The following AGTPBP1 variants were observed in gnomAD, a reference collection of about 807,000 sequenced individuals.
AGTPBP1 encodes cytosolic carboxypeptidase 1.
In AGTPBP1, 70 loss-of-function variants were observed where a neutral mutation model predicts 143.9. That is an observed-to-expected ratio of 0.49 (90% CI 0.40 to 0.59). AGTPBP1 has a LOEUF of 0.59. Ranked by LOEUF, AGTPBP1 falls within the 20% of genes least tolerant of loss-of-function variation. The pLI is 0.00. For missense variants in AGTPBP1, 1,229 were observed against 1,464.5 expected, an observed-to-expected ratio of 0.84 and a Z score of 2.62; for synonymous variants, 463 against 500.2, an observed-to-expected ratio of 0.93 and a Z score of 0.99.
chr9:85,767,876 G>A, the AGTPBP1 span, among the ~76,000 whole-genome samples: 2 of 152,150 alleles, frequency 1.3e-5, no homozygotes, highest in African/African-American at 4.8e-5. Context: ...TGGACCAGCA[G>A]CAACAGCATC....
intron 11 of AGTPBP1, among the ~76,000 whole-genome samples, chr9:85,653,731 G>A (rs1334199226): frequency 2.6e-5 from 4 of 152,188 alleles, no homozygotes; most frequent in Admixed American, 6.5e-5. Flanking sequence ...AAGAGGGAGT[G>A]GAGGCTTGAT....
intron 18 of AGTPBP1, among the ~76,000 whole-genome samples, chr9:85,593,548 T>A (rs1587700241): frequency 6.6e-6 from 1 of 152,196 alleles, no homozygotes; most frequent in East Asian, 1.9e-4. Context: ...TCTTAATCTT[T>A]CTGTGTTGTG....
chr9:85,655,470 A>C lies in AGTPBP1; in HGVS notation c.910-150T>G, dbSNP rs1587837292. ...TTTTAACACAGAATAATTACAAAAT[A>C]GCTTTACTATTCAGAATTATCTATC... On this transcript the variant is annotated intron_variant, in intron 10 of 25. Transcript: ENST00000357081. 5 of 716,182 alleles carry C rather than the reference A, an allele frequency of 7.0e-6. No homozygotes were observed. In the East Asian group the frequency reaches 1.5e-4, roughly 21 times the overall value. The allele number at this position is 716,182 out of a possible 1,614,324, so 44.4% of individuals were successfully genotyped here.
chr9:85,618,921 ACTT>A, intron 17 of AGTPBP1, 59 bp downstream of exon 17: 1 of 1,490,694 alleles, frequency 6.7e-7, no homozygotes, highest in African/African-American at 1.4e-5. Context: ...TTTTAAAAAA[ACTT>A]CTTTTCCACA....
intron 17 of AGTPBP1, among the ~76,000 whole-genome samples, chr9:85,610,964 T>C (rs1285108481): frequency 1.3e-5 from 2 of 152,028 alleles, no homozygotes; most frequent in Non-Finnish European, 2.9e-5. Flanking sequence ...CCTAAACAGC[T>C]CCCATAGCTT....
chr9:85,645,622 G>T (rs1405063792), intron 12 of AGTPBP1, among the ~76,000 whole-genome samples: 1 of 151,926 alleles, frequency 6.6e-6, no homozygotes, highest in Non-Finnish European at 1.5e-5. Flanking sequence ...GACAAAAATT[G>T]GTCCAAACAG....
At chr9:85,619,159 T>C (rs781074251) in intron 16 of AGTPBP1, 28 bp from the exon 17 acceptor site, 4 of 1,610,814 alleles carry the variant, frequency 2.5e-6, no homozygotes. Flanking sequence ...AGAAATCTGA[T>C]GAAAATTAGG....
intron 22 of AGTPBP1, among the ~76,000 whole-genome samples, chr9:85,586,419 T>C (rs1276410479): frequency 6.6e-6 from 1 of 152,164 alleles, no homozygotes; most frequent in Non-Finnish European, 1.5e-5. Flanking sequence ...AACAGGAACA[T>C]TCTAATCAAA....
intron 17 of AGTPBP1, among the ~76,000 whole-genome samples, chr9:85,609,723 T>A (rs1409979218): frequency 6.6e-6 from 1 of 152,098 alleles, no homozygotes; most frequent in East Asian, 1.9e-4. Flanking sequence ...GACAGGGATA[T>A]CTCAAAAGGG....
At chr9:85,577,655 A>C (rs1827980951) in intron 24 of AGTPBP1, among the ~76,000 whole-genome samples, 1 of 152,202 alleles carries the variant, frequency 6.6e-6, no homozygotes, top group Admixed American at 6.5e-5. Context: ...CTGAACAGAA[A>C]GTACTGGAAT....
At chr9:85,775,708 A>C in the AGTPBP1 span, among the ~76,000 whole-genome samples, 2 of 151,898 alleles carry the variant, frequency 1.3e-5, no homozygotes, top group African/African-American at 4.8e-5. Context: ...CTCAAAACTA[A>C]AGAACTTGGA....
intron 2 of AGTPBP1, among the ~76,000 whole-genome samples, chr9:85,708,533 T>C (rs1052578852): frequency 1.3e-5 from 2 of 152,200 alleles, no homozygotes; most frequent in Admixed American, 6.5e-5. Flanking sequence ...ATTTATACTT[T>C]ATTGTTTTTT....
the AGTPBP1 span, among the ~76,000 whole-genome samples, chr9:85,781,816 A>G: frequency 6.6e-6 from 1 of 152,178 alleles, no homozygotes. Context: ...TTTTTGAGAC[A>G]AAGATGTTTC....
chr9:85,590,312 T>C (rs934083186), intron 19 of AGTPBP1, among the ~76,000 whole-genome samples: 1 of 152,114 alleles, frequency 6.6e-6, no homozygotes, highest in African/African-American at 2.4e-5. Flanking sequence ...GATTACAGAC[T>C]TTTATAATTT....
intron 1 of AGTPBP1, among the ~76,000 whole-genome samples, chr9:85,723,142 T>G (rs1838241431): frequency 6.6e-6 from 1 of 152,184 alleles, no homozygotes; most frequent in Admixed American, 6.5e-5. Flanking sequence ...AGGGACCCAC[T>G]TGAGGAGGCA....
At chr9:85,774,074 G>A in the AGTPBP1 span, 13 of 1,303,484 alleles carry the variant, frequency 1.0e-5, no homozygotes, top group Non-Finnish European at 1.4e-5. Context: ...AAGTTGATGT[G>A]TAGGTGTGGG....
intron 4 of AGTPBP1, among the ~76,000 whole-genome samples, chr9:85,679,472 A>T (rs1223800630): frequency 1.3e-5 from 2 of 152,118 alleles, no homozygotes; most frequent in African/African-American, 4.8e-5. Context: ...CAGTGGCGCA[A>T]TCTCGGCTCA....
At chr9:85,805,192 G>A in the AGTPBP1 span, among the ~76,000 whole-genome samples, 2 of 152,112 alleles carry the variant, frequency 1.3e-5, no homozygotes, top group South Asian at 2.1e-4. Flanking sequence ...CGTCACCGGC[G>A]AACCTCTAAC....
intron 23 of AGTPBP1, among the ~76,000 whole-genome samples, chr9:85,585,076 A>G (rs1030804063): frequency 2.0e-5 from 3 of 152,220 alleles, no homozygotes; most frequent in African/African-American, 7.2e-5. Flanking sequence ...TATTAATTAT[A>G]AGCCTACAGT....
Sources: gnomAD v4.1 joint callset for allele counts (sites outside exome capture counted in the v4.1 genomes callset) on GRCh38, gnomAD v4.1.1 for gene constraint, MANE v1.5 for transcripts, NCBI Gene and HGNC (gene_info 2026-07-23, HGNC 2026-07-21) for gene names.